Variants in LARS2 observed in about 807,000 individuals in gnomAD.
The protein encoded by LARS2 is leucyl-tRNA synthetase 2, mitochondrial.
LARS2 carries 81 observed loss-of-function variants against 116.6 expected under a neutral mutation model. That is an observed-to-expected ratio of 0.69 (90% CI 0.58 to 0.84). LARS2 has a LOEUF of 0.84. Among genes scored for constraint, LARS2 ranks in the 40% least tolerant of loss-of-function variants. The pLI, the probability that LARS2 is intolerant of heterozygous loss-of-function variation, is 0.00. For synonymous variants in LARS2, 396 were observed against 407.2 expected (o/e 0.97, Z 0.33); for missense variants, 968 against 1,114.5 (o/e 0.87, Z 1.87).
At chr3:45,513,283 G>A (rs1481062144) in intron 16 of LARS2, 48 bp downstream of exon 16, 2 of 1,263,270 alleles carry the variant, frequency 1.6e-6, no homozygotes, top group African/African-American at 2.9e-5. Context: ...AGAGAGCCAA[G>A]GCCAGGCCTG....
chr3:45,411,088 C>G (rs566034356), intron 4 of LARS2, among the ~76,000 whole-genome samples: 1 of 152,182 alleles, frequency 6.6e-6, no homozygotes, highest in African/African-American at 2.4e-5. Context: ...CTGCGGGGAT[C>G]TAACTCACAG....
In LARS2 at chr3:45,547,358, A is replaced by C. The variant is rs538066955; in HGVS notation, c.2540A>C (p.Asn847Thr). The part of the protein sequence containing the change: ...EVVQMAVLIN[N>T]KACGKIPVPQ... ...GGCTTTTCTCCTTCTCAGATCAACA[A>C]TAAAGCTTGTGGCAAAATTCCTGTG... is the stretch of plus-strand genomic sequence containing the variant. Residue 847 changes from asparagine to threonine, a missense_variant, in exon 22 of 22, where the codon AAT becomes ACT. Coordinates refer to ENST00000645846, the MANE Select transcript of LARS2 (RefSeq NM_015340.4). The C allele has an allele frequency of 6.2e-7, 1 of 1,608,908 alleles. No homozygotes were observed. Among genetic ancestry groups the C allele is most frequent in the Non-Finnish European group, 8.5e-7 (1 of 1,178,182 alleles).
rs71645922 is a variant in LARS2 at position 45,476,581 on chromosome 3, C to T, written c.972C>T (p.His324=). 1.2e-6 allele frequency: 2 copies of T among 1,614,178 alleles called. No individual in the cohort carries two copies. Among genetic ancestry groups the T allele is most frequent in the Non-Finnish European group, 1.7e-6 (2 of 1,180,022 alleles). The change falls in exon 10 of 22, where the codon CAC becomes CAT. Residue 324 remains histidine (H), a synonymous_variant. Coordinates refer to ENST00000645846, the MANE Select transcript of LARS2 (RefSeq NM_015340.4). ...CCAGCCACAGACTCCTACATGGGCA[C>T]AGCTCTCTGAAGGAAGCCTTGAGGA... ...ISPSHRLLHG[H]SSLKEALRMA... is the part of the protein sequence containing the mutation.
intron 6 of LARS2, 71 bp from the exon 7 acceptor site, chr3:45,446,820 C>T: frequency 1.2e-6 from 1 of 859,848 alleles, no homozygotes; most frequent in South Asian, 1.6e-5. Flanking sequence ...AATTCAGTTG[C>T]AAGACTGAGC....
At chr3:45,397,352 G>A (rs1362804588) in intron 3 of LARS2, among the ~76,000 whole-genome samples, 1 of 152,116 alleles carries the variant, frequency 6.6e-6, no homozygotes, top group African/African-American at 2.4e-5. Flanking sequence ...CAGGCAATAA[G>A]CTGAATACCT....
chr3:45,501,475 A>G (rs1222036986), intron 15 of LARS2, among the ~76,000 whole-genome samples: 1 of 152,134 alleles, frequency 6.6e-6, no homozygotes, highest in Non-Finnish European at 1.5e-5. Context: ...TTTGAGATTC[A>G]GCAGTGCTGA....
At chr3:45,428,540 C>T (rs1320381003) in intron 6 of LARS2, among the ~76,000 whole-genome samples, 5 of 152,196 alleles carry the variant, frequency 3.3e-5, no homozygotes, top group Non-Finnish European at 7.3e-5. Flanking sequence ...CCACCGCGCC[C>T]AGCCTATCTT....
rs560694064 is a variant in LARS2, at chr3:45,408,385, C to G, written c.363+8012C>G. On this transcript the variant is annotated intron_variant, in intron 4 of 21. Transcript: ENST00000645846. ...GTCTTCCATGGTAACAGCTGGCCCC[C>G]ACTCCTCTCTGATCTCAAAGTAAGG... is the stretch of plus-strand genomic sequence containing the variant. Among the ~76,000 whole-genome samples, 3 of 152,360 alleles carry G rather than the reference C, an allele frequency of 2.0e-5. No homozygotes were observed. The East Asian group carries it at 5.8e-4, about 29-fold the overall frequency.
At chr3:45,479,191 G>T (rs1361560552) in intron 10 of LARS2, among the ~76,000 whole-genome samples, 2 of 152,190 alleles carry the variant, frequency 1.3e-5, no homozygotes, top group African/African-American at 4.8e-5. Context: ...TGGTCCTAGA[G>T]CCATCCATAT....
At chr3:45,406,205 C>G (rs1698229348) in intron 4 of LARS2, among the ~76,000 whole-genome samples, 2 of 152,138 alleles carry the variant, frequency 1.3e-5, no homozygotes, top group South Asian at 4.1e-4. Context: ...TTGTTGCCGT[C>G]AAGTTTGGCA....
At chr3:45,479,588 C>T (rs1179357927) in intron 10 of LARS2, among the ~76,000 whole-genome samples, 1 of 152,112 alleles carries the variant, frequency 6.6e-6, no homozygotes, top group Admixed American at 6.5e-5. Context: ...GCACAGATTC[C>T]TTTAAGAGAG....
chr3:45,482,557 TA>T (rs2125724182), intron 10 of LARS2, among the ~76,000 whole-genome samples: 1 of 152,320 alleles, frequency 6.6e-6, no homozygotes, highest in East Asian at 1.9e-4. Context: ...TTATCAGATA[TA>T]AAATGATAAT....
Position 45,476,549 on chromosome 3 carries a change from A to C in LARS2, c.940A>C (p.Ile314Leu). 1.9e-6 allele frequency: 3 copies of C among 1,614,206 alleles called. No homozygotes were observed. The highest frequency in any genetic ancestry group is 1.7e-5 in the Admixed American group (1 of 60,028). Reference sequence around the variant, plus strand: ...CATTTATGGCACCTCCCACGTGGCCATCTCGCCCAGCCACAGACTCCTACA... The same window carrying C: ...CATTTATGGCACCTCCCACGTGGCCCTCTCGCCCAGCCACAGACTCCTACA... ...EAIYGTSHVAISPSHRLLHGH... is the reference protein window; with the variant it reads ...EAIYGTSHVALSPSHRLLHGH... Residue 314 changes from isoleucine (I) to leucine (L), a missense_variant, in exon 10 of 22, where the codon ATC becomes CTC. Transcript: ENST00000645846.
intron 8 of LARS2, among the ~76,000 whole-genome samples, chr3:45,470,247 A>G (rs1049409893): frequency 3.9e-5 from 6 of 152,184 alleles, no homozygotes; most frequent in Non-Finnish European, 5.9e-5. Flanking sequence ...TATTCTTAGC[A>G]TTACTTCTGC....
At chr3:45,518,149 G>A in intron 18 of LARS2, 77 bp downstream of exon 18, 1 of 1,156,434 alleles carries the variant, frequency 8.6e-7, no homozygotes, top group Non-Finnish European at 1.2e-6. Flanking sequence ...GGTCTTTGCT[G>A]CCCTCCCTGC....
intron 7 of LARS2, among the ~76,000 whole-genome samples, chr3:45,448,074 C>A (rs1197606842): frequency 6.6e-6 from 1 of 152,046 alleles, no homozygotes; most frequent in Non-Finnish European, 1.5e-5. Context: ...ACAGTGAGAC[C>A]CTGTCTCTAC....
chr3:45,531,226 A>G (rs1700609324), intron 20 of LARS2, among the ~76,000 whole-genome samples: 1 of 151,932 alleles, frequency 6.6e-6, no homozygotes, highest in South Asian at 2.1e-4. Flanking sequence ...GTTAAGAAAA[A>G]TATATGTAGA....
chr3:45,416,064 T>A (rs1356589491), intron 4 of LARS2, among the ~76,000 whole-genome samples: 1 of 151,728 alleles, frequency 6.6e-6, no homozygotes, highest in Non-Finnish European at 1.5e-5. Context: ...TATCTGGCTG[T>A]TTGGGTAGAG....
intron 11 of LARS2, among the ~76,000 whole-genome samples, chr3:45,487,915 C>G (rs1269130559): frequency 2.0e-5 from 3 of 152,148 alleles, no homozygotes; most frequent in Non-Finnish European, 2.9e-5. Context: ...TTAGAATGTA[C>G]TATTGCCTTT....
Sources: gnomAD v4.1 joint callset for allele counts (sites outside exome capture counted in the v4.1 genomes callset) on GRCh38, gnomAD v4.1.1 for gene constraint, MANE v1.5 for transcripts, NCBI Gene and HGNC (gene_info 2026-07-23, HGNC 2026-07-21) for gene names.